The following TENM4 variants were observed in gnomAD, a reference collection of about 807,000 sequenced individuals.
TENM4 encodes the protein teneurin-4.
A neutral mutation model predicts 243.3 loss-of-function variants in TENM4; 82 were observed. The observed-to-expected ratio is 0.34, with a 90% confidence interval of 0.28 to 0.40. The LOEUF is 0.40. Among genes scored for constraint, TENM4 ranks in the 10% least tolerant of loss-of-function variants. The pLI is 1.00. For synonymous variants in TENM4, 1,412 were observed against 1,456.3 expected (o/e 0.97, Z 0.69); for missense variants, 3,138 against 3,673.3 (o/e 0.85, Z 3.77).
chr11:78,864,941 C>G (rs11237641), intron 9 of TENM4, among the ~76,000 whole-genome samples: 75,269 of 151,906 alleles, frequency 0.5, 22,624 homozygotes, highest in East Asian at 0.78. Flanking sequence ...GTGCCTGACC[C>G]GCTAGGGGGG....
intron 3 of TENM4, among the ~76,000 whole-genome samples, chr11:79,166,733 G>A (rs1862923641): frequency 6.6e-6 from 1 of 152,206 alleles, no homozygotes; most frequent in Non-Finnish European, 1.5e-5. Context: ...AATTTGCCCA[G>A]AATGGGTGAA....
intron 6 of TENM4, among the ~76,000 whole-genome samples, chr11:78,915,924 A>G (rs1013895969): frequency 6.6e-6 from 1 of 152,226 alleles, no homozygotes; most frequent in African/African-American, 2.4e-5. Context: ...TGAAAGGGAC[A>G]GGTTGGCTAA....
In TENM4 at chr11:78,931,587, A is replaced by G. The variant is rs199683757; in HGVS notation, c.494-28064T>C. Among the ~76,000 whole-genome samples, 41 of 152,330 alleles carry G rather than the reference A, an allele frequency of 2.7e-4. No individual in the cohort carries two copies. The East Asian group carries it at 7.1e-3, about 26-fold the overall frequency. On this transcript the variant is annotated intron_variant, in intron 6 of 33. Coordinates refer to ENST00000278550, the MANE Select transcript of TENM4 (RefSeq NM_001098816.3). ...ATCCACTGGCTTTTGGCAAATTGTC[A>G]TCTTATTTAATCCTGACAAAATCAA...
chr11:79,368,895 A>G (rs935713233), intron 1 of TENM4, among the ~76,000 whole-genome samples: 2 of 152,242 alleles, frequency 1.3e-5, no homozygotes, highest in African/African-American at 2.4e-5. Flanking sequence ...CAATACGTTC[A>G]GGAATGACAG....
chr11:79,114,428 C>T (rs527973770), intron 4 of TENM4, among the ~76,000 whole-genome samples: 3 of 152,296 alleles, frequency 2.0e-5, no homozygotes, highest in East Asian at 3.9e-4. Context: ...TCAATAAGTA[C>T]GACTTACAGT....
At chr11:78,823,268 C>A (rs1269936275) in intron 12 of TENM4, among the ~76,000 whole-genome samples, 2 of 152,218 alleles carry the variant, frequency 1.3e-5, no homozygotes, top group African/African-American at 4.8e-5. Context: ...CAGCGCCTGC[C>A]CAGCGGTGGC....
In TENM4 at chr11:79,136,384, G is replaced by C. The variant is rs1862110241; in HGVS notation, c.-66+12326C>G. On this transcript the variant is annotated intron_variant, in intron 4 of 33. Coordinates refer to ENST00000278550, the MANE Select transcript of TENM4 (RefSeq NM_001098816.3). Reference sequence around the variant, plus strand: ...TCAGCCTCTTTCTCTAGCCACCCCTGTCATCGCCCAGTGGGCCCATGAACA... The same window carrying C: ...TCAGCCTCTTTCTCTAGCCACCCCTCTCATCGCCCAGTGGGCCCATGAACA... Among the ~76,000 whole-genome samples, 5 of 152,124 alleles carry C rather than the reference G, an allele frequency of 3.3e-5. No homozygotes were observed. The South Asian group carries it at 8.3e-4, about 25-fold the overall frequency.
chr11:78,688,327 T>C, intron 28 of TENM4, 101 bp from the exon 29 acceptor site: 2 of 1,329,668 alleles, frequency 1.5e-6, no homozygotes, highest in Non-Finnish European at 2.1e-6. Flanking sequence ...GTGCTCTGCT[T>C]TTCTTTCTGG....
At chr11:78,727,046 T>C (rs576548925) in intron 22 of TENM4, among the ~76,000 whole-genome samples, 77 of 152,320 alleles carry the variant, frequency 5.1e-4, no homozygotes, top group Admixed American at 1.8e-3. Context: ...ACTGTAGGAA[T>C]ACTATGACGC....
intron 6 of TENM4, among the ~76,000 whole-genome samples, chr11:79,003,910 C>G (rs545537592): frequency 6.6e-6 from 1 of 151,332 alleles, no homozygotes; most frequent in Non-Finnish European, 1.5e-5. Flanking sequence ...CTATGGCACC[C>G]ACAGGCTTAA....
chr11:79,196,295 C>T (rs1038259244), intron 3 of TENM4, among the ~76,000 whole-genome samples: 1 of 151,906 alleles, frequency 6.6e-6, no homozygotes, highest in African/African-American at 2.4e-5. Context: ...AGTCCAGGCC[C>T]TGCTGCTCCT....
At chr11:79,301,751 C>A (rs531089749) in intron 1 of TENM4, among the ~76,000 whole-genome samples, 2 of 152,292 alleles carry the variant, frequency 1.3e-5, no homozygotes, top group East Asian at 3.9e-4. Flanking sequence ...CCTCTTAGTA[C>A]TGTTCTCTTG....
At chr11:78,922,000 C>T (rs1302868979) in intron 6 of TENM4, among the ~76,000 whole-genome samples, 2 of 152,198 alleles carry the variant, frequency 1.3e-5, no homozygotes, top group South Asian at 2.1e-4. Context: ...CAGCCCTAAC[C>T]AGATGCAGTG....
chr11:78,954,883 C>A (rs1186193362), intron 6 of TENM4, among the ~76,000 whole-genome samples: 1 of 152,238 alleles, frequency 6.6e-6, no homozygotes, highest in Admixed American at 6.5e-5. Flanking sequence ...TCTCTCACTG[C>A]TCAGACTAGA....
chr11:78,720,783 C>CAA (rs1369726935), intron 24 of TENM4, among the ~76,000 whole-genome samples: 1 of 152,148 alleles, frequency 6.6e-6, no homozygotes, highest in Non-Finnish European at 1.5e-5. Context: ...CACTTCCCTA[C>CAA]AAAGAGTTAC....
intron 6 of TENM4, among the ~76,000 whole-genome samples, chr11:79,018,954 G>C (rs1335760715): frequency 1.3e-5 from 2 of 152,212 alleles, no homozygotes; most frequent in African/African-American, 4.8e-5. Context: ...TTACAGCTTG[G>C]AGCCTTGGCT....
intron 4 of TENM4, among the ~76,000 whole-genome samples, chr11:79,139,710 TAAGTATATAAAATATATATTATA>T (rs1862232081): frequency 2.9e-5 from 3 of 103,112 alleles, no homozygotes; most frequent in African/African-American, 1.2e-4. Context: ...AATATTTATA[TAAGTATATAAAATATATATTATA>T]TTTATATAAA....
intron 19 of TENM4, among the ~76,000 whole-genome samples, chr11:78,755,196 G>C (rs547224308): frequency 1.2e-4 from 18 of 152,058 alleles, no homozygotes; most frequent in African/African-American, 4.1e-4. Context: ...ATGGGGTCTT[G>C]CTCTGTCACC....
chr11:78,712,613 G>A lies in TENM4; in HGVS notation c.3923C>T (p.Thr1308Ile). The A allele has an allele frequency of 6.2e-7, 1 of 1,613,976 alleles. No homozygotes were observed. Among genetic ancestry groups the A allele is most frequent in the African/African-American group, 1.3e-5 (1 of 75,042 alleles). ...NSRRVFKIKS[T>I]VVVKDLVKNS... Reference sequence around the variant, plus strand: ...CTTGACAAGGTCCTTCACCACCACAGTGGACTTGATTTTAAAGACCCGCCG... The same window carrying A: ...CTTGACAAGGTCCTTCACCACCACAATGGACTTGATTTTAAAGACCCGCCG... The change falls in exon 26 of 34, where the codon ACT becomes ATT. Residue 1308 changes from threonine to isoleucine, a missense_variant. This residue lies in a region of TENM4 where 2,467 missense variants were observed against 3,059.1 expected (regional missense o/e 0.81). Coordinates refer to ENST00000278550, the MANE Select transcript of TENM4 (RefSeq NM_001098816.3).
Sources: allele counts gnomAD v4.1 joint callset (sites outside exome capture counted in the v4.1 genomes callset), GRCh38; gene constraint gnomAD v4.1.1; regional missense constraint gnomAD v4.1.1; transcripts MANE v1.5; gene names NCBI Gene and HGNC (gene_info 2026-07-23, HGNC 2026-07-21).